AP3B1: variants seen among roughly 807,000 people sequenced by gnomAD.
AP3B1 encodes AP-3 complex subunit beta-1.
AP3B1 carries 61 observed loss-of-function variants against 132.5 expected under a neutral mutation model. The ratio of observed to expected loss-of-function variants is 0.46; its 90% CI spans 0.37 to 0.57. The LOEUF (loss-of-function observed/expected upper bound fraction) is 0.57, where lower values mean the gene tolerates loss of function less well. Among genes scored for constraint, AP3B1 ranks in the 20% least tolerant of loss-of-function variants. AP3B1 has a pLI of 0.00. For synonymous variants in AP3B1, 388 were observed against 438.3 expected (o/e 0.89, Z 1.43); for missense variants, 1,120 against 1,289.4 (o/e 0.87, Z 2.01).
intron 11 of AP3B1, among the ~76,000 whole-genome samples, chr5:78,171,218 C>CT (rs1358022648): frequency 6.6e-6 from 1 of 151,884 alleles, no homozygotes; most frequent in African/African-American, 2.4e-5. Flanking sequence ...GCAATGTGAG[C>CT]TTTTTTTTGG....
chr5:78,069,961 T>C (rs1422877657), intron 22 of AP3B1, among the ~76,000 whole-genome samples: 2 of 152,000 alleles, frequency 1.3e-5, no homozygotes, highest in Non-Finnish European at 2.9e-5. Flanking sequence ...TCTACAACCA[T>C]CTGATCTTTG....
chr5:78,229,002 G>A (rs114202090), intron 3 of AP3B1, among the ~76,000 whole-genome samples: 254 of 152,200 alleles, frequency 1.7e-3, no homozygotes, highest in African/African-American at 5.9e-3. Context: ...GCACAATCAC[G>A]GCTCACTGCA....
chr5:78,224,211 T>C (rs1443046161), intron 6 of AP3B1, among the ~76,000 whole-genome samples: 1 of 152,142 alleles, frequency 6.6e-6, no homozygotes. Flanking sequence ...CAATCTATAT[T>C]TAGTTACCTC....
intron 13 of AP3B1, 112 bp downstream of exon 13, chr5:78,162,707 G>C: frequency 8.9e-7 from 1 of 1,120,716 alleles, no homozygotes; most frequent in African/African-American, 1.5e-5. Flanking sequence ...CCATACTACT[G>C]ATATAACTGG....
At chr5:78,101,073 T>C (rs1372641224) in intron 20 of AP3B1, 48 bp from the exon 21 acceptor site, 8 of 1,178,270 alleles carry the variant, frequency 6.8e-6, no homozygotes, top group South Asian at 1.3e-5. Context: ...GTTTTAAAAA[T>C]CTGTGGAGTA....
chr5:78,243,090 T>C (rs1747212969), intron 2 of AP3B1, among the ~76,000 whole-genome samples: 1 of 152,256 alleles, frequency 6.6e-6, no homozygotes, highest in African/African-American at 2.4e-5. Context: ...CAAGCTAGTC[T>C]TTTTATATTC....
chr5:78,174,214 C>T (rs542426788), intron 11 of AP3B1, among the ~76,000 whole-genome samples: 13 of 152,280 alleles, frequency 8.5e-5, no homozygotes, highest in Admixed American at 3.3e-4. Context: ...CTCCATCCAG[C>T]GTTGTTCTGT....
At chr5:78,114,402 G>A (rs1418175923) in intron 18 of AP3B1, among the ~76,000 whole-genome samples, 2 of 152,014 alleles carry the variant, frequency 1.3e-5, no homozygotes, top group African/African-American at 4.8e-5. Flanking sequence ...CACTTGGAAA[G>A]ACCTCCAAAT....
At chr5:78,006,434 T>C (rs1746399078) in intron 26 of AP3B1, among the ~76,000 whole-genome samples, 1 of 152,242 alleles carries the variant, frequency 6.6e-6, no homozygotes. Flanking sequence ...TCAAAAATTG[T>C]TTACTTGATT....
At chr5:78,062,164 AT>A (rs1254907176) in intron 22 of AP3B1, among the ~76,000 whole-genome samples, 1 of 152,150 alleles carries the variant, frequency 6.6e-6, no homozygotes, top group African/African-American at 2.4e-5. Context: ...TCTGATTGCT[AT>A]CAACTTTCTC....
intron 1 of AP3B1, 35 bp downstream of exon 1, chr5:78,294,417 C>T: frequency 1.2e-6 from 2 of 1,613,592 alleles, no homozygotes; most frequent in Non-Finnish European, 1.7e-6. Context: ...GCAGCTCCTC[C>T]CTCCCATCCC....
intron 7 of AP3B1, among the ~76,000 whole-genome samples, chr5:78,208,027 T>C (rs1469129533): frequency 6.6e-6 from 1 of 151,850 alleles, no homozygotes; most frequent in Non-Finnish European, 1.5e-5. Context: ...CATTGGAGGA[T>C]ATGCTCCAAA....
chr5:78,020,160 A>G (rs1747030626), intron 25 of AP3B1, among the ~76,000 whole-genome samples: 1 of 152,146 alleles, frequency 6.6e-6, no homozygotes, highest in Admixed American at 6.6e-5. Context: ...TTTCAGTTCT[A>G]ATAGGTTCTG....
intron 25 of AP3B1, among the ~76,000 whole-genome samples, chr5:78,018,086 C>T (rs993081000): frequency 1.3e-5 from 2 of 151,804 alleles, no homozygotes; most frequent in Admixed American, 6.6e-5. Flanking sequence ...TCTCGGAACA[C>T]GTACTCTTGA....
At chr5:78,144,590 T>C (rs961052866) in intron 14 of AP3B1, among the ~76,000 whole-genome samples, 1 of 152,186 alleles carries the variant, frequency 6.6e-6, no homozygotes, top group South Asian at 2.1e-4. Flanking sequence ...GTATCTGGAC[T>C]CAATATGCAT....
intron 3 of AP3B1, among the ~76,000 whole-genome samples, chr5:78,230,670 C>A (rs1419884939): frequency 7.1e-6 from 1 of 141,624 alleles, no homozygotes; most frequent in South Asian, 2.3e-4. Context: ...AGTTCCACTT[C>A]CCCAAGTTCC....
intron 2 of AP3B1, among the ~76,000 whole-genome samples, chr5:78,253,413 C>T (rs1385826533): frequency 2.0e-5 from 3 of 152,148 alleles, no homozygotes; most frequent in African/African-American, 4.8e-5. Flanking sequence ...TACTAGAAAG[C>T]CTTCCCAAGA....
chr5:78,128,471 T>C (rs1446949808), intron 16 of AP3B1, among the ~76,000 whole-genome samples: 1 of 152,150 alleles, frequency 6.6e-6, no homozygotes, highest in Non-Finnish European at 1.5e-5. Context: ...CATATACATG[T>C]CTTGGCACAA....
chr5:78,237,065 T>G (rs542858331), intron 3 of AP3B1, among the ~76,000 whole-genome samples: 1 of 152,252 alleles, frequency 6.6e-6, no homozygotes, highest in Non-Finnish European at 1.5e-5. Context: ...TTTAATCTAA[T>G]TCATAAACTG....
Sources: gnomAD v4.1 joint callset for allele counts (sites outside exome capture counted in the v4.1 genomes callset) on GRCh38, gnomAD v4.1.1 for gene constraint, MANE v1.5 for transcripts, NCBI Gene and HGNC (gene_info 2026-07-23, HGNC 2026-07-21) for gene names.